The following RPRD2 variants were observed in gnomAD, a reference collection of about 807,000 sequenced individuals.
The protein encoded by RPRD2 is regulation of nuclear pre-mRNA domain-containing protein 2.
A neutral mutation model predicts 104.4 loss-of-function variants in RPRD2; 12 were observed. That is an observed-to-expected ratio of 0.11 (90% CI 0.07 to 0.19). The LOEUF is 0.19. RPRD2 is among the 10% of genes least tolerant of loss of function. The probability of loss-of-function intolerance (pLI) is 1.00; values close to 1 mark genes in which losing one functional copy is unlikely to be tolerated. For synonymous variants in RPRD2, 714 were observed against 684.9 expected (o/e 1.04, Z -0.66); for missense variants, 1,543 against 1,790.1 (o/e 0.86, Z 2.49).
chr1:150,462,316 G>A (rs931038408), intron 9 of RPRD2, among the ~76,000 whole-genome samples: 1 of 151,698 alleles, frequency 6.6e-6, no homozygotes, highest in Admixed American at 6.6e-5. Context: ...GTGGTGGCAC[G>A]TACCTGTAAT....
chr1:150,471,802 A>G lies in RPRD2; in HGVS notation c.2854A>G (p.Thr952Ala). Residue 952 changes from threonine (T) to alanine (A), a missense_variant, in exon 11 of 11, where the codon ACT becomes GCT. Thr to Ala is a moderately conservative substitution (Grantham distance 58). This residue lies in a region of RPRD2 where 880 missense variants were observed against 885.6 expected (regional missense o/e 0.99). Transcript: ENST00000369068. This position sits in a 1 kb window ranked among gnomAD's most constrained non-coding sequence, Gnocchi z 5.3. ...SNHNSLSQST[T>A]GHLSLPQKQY... is the part of the protein sequence containing the mutation. ...CCACAATAGCTTGTCTCAATCTACC[A>G]CTGGGCATCTCAGTTTGCCACAGAA... 6.2e-7 allele frequency: 1 copy of G among 1,613,648 alleles called. No homozygotes were observed. The highest frequency in any genetic ancestry group is 1.1e-5 in the South Asian group (1 of 91,064).
intron 1 of RPRD2, among the ~76,000 whole-genome samples, chr1:150,403,844 A>T (rs180924980): frequency 1.2e-3 from 177 of 152,040 alleles, no homozygotes; most frequent in African/African-American, 4.1e-3. Flanking sequence ...CGGTTGCCCA[A>T]ACTGGCCTGA....
chr1:150,372,270 T>C lies in RPRD2; in HGVS notation c.205+7351T>C, dbSNP rs1202517466. 3.3e-5 allele frequency among the ~76,000 whole-genome samples: 5 copies of C among 152,194 alleles called. No individual in the cohort carries two copies. The East Asian group carries it at 9.6e-4, about 29-fold the overall frequency. On this transcript the variant is annotated intron_variant, in intron 1 of 10. Coordinates refer to ENST00000369068, the MANE Select transcript of RPRD2 (RefSeq NM_015203.5). ...TATCAAACACCTACTGTGCCAGGCA[T>C]TGTTTAGGCACAGGGGATACAGCAG...
chr1:150,406,872 G>A (rs990800858), intron 1 of RPRD2, among the ~76,000 whole-genome samples: 2 of 151,926 alleles, frequency 1.3e-5, no homozygotes, highest in African/African-American at 4.8e-5. Flanking sequence ...GTGCTACCAC[G>A]CCCGGCTAAT....
intron 1 of RPRD2, among the ~76,000 whole-genome samples, chr1:150,380,459 T>A (rs1164035387): frequency 6.6e-6 from 1 of 151,772 alleles, no homozygotes; most frequent in Non-Finnish European, 1.5e-5. Context: ...GCAGTTCTCC[T>A]GTCTCAGCCT....
At chr1:150,442,587 G>A (rs1278870840) in intron 4 of RPRD2, among the ~76,000 whole-genome samples, 1 of 152,134 alleles carries the variant, frequency 6.6e-6, no homozygotes, top group African/African-American at 2.4e-5. Flanking sequence ...AGTGAGAATT[G>A]GGAGGTGAAA....
chr1:150,403,557 T>C (rs1572404472), intron 1 of RPRD2, among the ~76,000 whole-genome samples: 1 of 152,324 alleles, frequency 6.6e-6, no homozygotes, highest in East Asian at 1.9e-4. Flanking sequence ...ACATAATGAC[T>C]TTGCAAGGTT....
At chr1:150,438,859 G>A (rs1238243251) in intron 2 of RPRD2, among the ~76,000 whole-genome samples, 8 of 150,814 alleles carry the variant, frequency 5.3e-5, no homozygotes, top group Admixed American at 2.6e-4. Flanking sequence ...TTTTTTAAAC[G>A]GAGTCTCACT....
chr1:150,425,070 C>T (rs1665025909), intron 2 of RPRD2, among the ~76,000 whole-genome samples: 1 of 152,146 alleles, frequency 6.6e-6, no homozygotes, highest in Non-Finnish European at 1.5e-5. Flanking sequence ...GCTCTGTCAC[C>T]TCATAACTCT....
intron 8 of RPRD2, among the ~76,000 whole-genome samples, chr1:150,457,999 A>G (rs892430444): frequency 7.9e-5 from 12 of 152,046 alleles, no homozygotes; most frequent in Non-Finnish European, 2.9e-5. Context: ...TGAACCTGAG[A>G]GAGGGGTTGC....
chr1:150,418,495 C>T lies in RPRD2; in HGVS notation c.335+770C>T, dbSNP rs12090740. Among the ~76,000 whole-genome samples, 320 of 152,226 alleles carry T rather than the reference C, an allele frequency of 2.1e-3. 2 individuals are homozygous for T. The highest frequency in any genetic ancestry group is 7.2e-3 in the African/African-American group (300 of 41,532). ...AAGAGAAACGGAAATTATTTCCCACCATCATACTCCCAACTCCATGTTGAT... is the reference window on the plus strand; with the variant it reads ...AAGAGAAACGGAAATTATTTCCCACTATCATACTCCCAACTCCATGTTGAT... On this transcript the variant is annotated intron_variant, in intron 2 of 10. Coordinates refer to ENST00000369068, the MANE Select transcript of RPRD2 (RefSeq NM_015203.5).
chr1:150,423,582 G>T (rs1451005247), intron 2 of RPRD2, among the ~76,000 whole-genome samples: 1 of 152,028 alleles, frequency 6.6e-6, no homozygotes, highest in Non-Finnish European at 1.5e-5. Context: ...TTGGGAAAAG[G>T]TGTCATGACA....
chr1:150,441,168 A>C, intron 3 of RPRD2, 145 bp downstream of exon 3: 1 of 512,146 alleles, frequency 2.0e-6, no homozygotes, highest in South Asian at 3.4e-5. Context: ...TATTTATGAA[A>C]AATCTAGATC....
At chr1:150,412,162 T>G (rs1289190039) in intron 1 of RPRD2, among the ~76,000 whole-genome samples, 4 of 152,136 alleles carry the variant, frequency 2.6e-5, no homozygotes, top group Non-Finnish European at 5.9e-5. Flanking sequence ...GAAATTCCAG[T>G]CTTCTGGATG....
At chr1:150,429,592 C>T (rs1286037439) in intron 2 of RPRD2, among the ~76,000 whole-genome samples, 1 of 151,956 alleles carries the variant, frequency 6.6e-6, no homozygotes, top group Non-Finnish European at 1.5e-5. Flanking sequence ...TAGCCTCAAG[C>T]GATCCTCCCA....
rs1391818955 is a variant in RPRD2 at position 150,364,748 on chromosome 1, G to A, written c.34G>A (p.Ala12Thr). ...AAGGGGGSSK[A>T]SSSSASSAGA... ...CGGCGGCGGCGGAGGCAGCAGTAAG[G>A]CCTCCTCCTCGTCGGCCTCTTCGGC... Residue 12 changes from alanine to threonine, a missense_variant, in exon 1 of 11, where the codon GCC becomes ACC. Around this residue, in one of 4 missense-constraint regions of RPRD2, gnomAD observed 88 missense variants for 96.6 expected, o/e 0.91. Transcript: ENST00000369068. 1.9e-6 allele frequency: 3 copies of A among 1,595,044 alleles called. No homozygotes were observed. Among genetic ancestry groups the A allele is most frequent in the Non-Finnish European group, 2.6e-6 (3 of 1,170,662 alleles).
rs759445633 is a variant in RPRD2 at position 150,470,773 on chromosome 1, G to A, written c.1825G>A (p.Ala609Thr). Residue 609 changes from alanine to threonine, a missense_variant, in exon 11 of 11, where the codon GCC becomes ACC. Transcript: ENST00000369068. ...SEVSSTSASK[A>T]SIGQSPGLPS... is the part of the protein sequence containing the mutation. The stretch of plus-strand genomic sequence containing the variant: ...AGTCTCTTCAACTTCAGCCAGCAAG[G>A]CCTCAATTGGGCAAAGCCCAGGGCT... 33 of 1,613,870 alleles carry A rather than the reference G, an allele frequency of 2.0e-5. No homozygotes were observed. The South Asian group carries it at 3.6e-4, about 18-fold the overall frequency.
chr1:150,404,432 G>C (rs1296090548), intron 1 of RPRD2, among the ~76,000 whole-genome samples: 3 of 152,096 alleles, frequency 2.0e-5, no homozygotes, highest in Middle Eastern at 3.4e-3. Flanking sequence ...ATTTTTGGTA[G>C]ACAGGGTTTC....
In RPRD2 at chr1:150,472,389, G is replaced by A; in HGVS notation, c.3441G>A (p.Glu1147=). The A allele has an allele frequency of 6.2e-7, 1 of 1,614,024 alleles. No individual in the cohort carries two copies. The highest frequency in any genetic ancestry group is 8.5e-7 in the Non-Finnish European group (1 of 1,179,892). ...ACAATGGCCCTTCAAGTGCCTCTGAGTTGGCATCCCTTGGGGGTGGGGGCA... is the reference window on the plus strand; with the variant it reads ...ACAATGGCCCTTCAAGTGCCTCTGAATTGGCATCCCTTGGGGGTGGGGGCA... ...SFDNGPSSAS[E]LASLGGGGSG... Residue 1147 remains glutamate (E), a synonymous_variant, in exon 11 of 11, where the codon GAG becomes GAA. Coordinates refer to ENST00000369068, the MANE Select transcript of RPRD2 (RefSeq NM_015203.5).
Sources: allele counts gnomAD v4.1 joint callset (sites outside exome capture counted in the v4.1 genomes callset), GRCh38; gene constraint gnomAD v4.1.1; regional missense constraint gnomAD v4.1.1; non-coding constraint Gnocchi (gnomAD v3.1); transcripts MANE v1.5; gene names NCBI Gene and HGNC (gene_info 2026-07-23, HGNC 2026-07-21).